The following CAMK2D variants were observed in gnomAD, a reference collection of about 807,000 sequenced individuals.
CAMK2D encodes calcium/calmodulin-dependent protein kinase type II subunit delta.
CAMK2D carries 37 observed loss-of-function variants against 84.0 expected under a neutral mutation model. The observed-to-expected ratio is 0.44, with a 90% CI of 0.34 to 0.58. The LOEUF is 0.58. CAMK2D is among the 20% of genes least tolerant of loss of function. The pLI, the probability that CAMK2D is intolerant of heterozygous loss-of-function variation, is 0.02. For synonymous variants in CAMK2D, 202 were observed against 212.5 expected, an observed-to-expected ratio of 0.95 and a Z score of 0.43; for missense variants, 448 against 652.5, an observed-to-expected ratio of 0.69 and a Z score of 3.41.
intron 3 of CAMK2D, among the ~76,000 whole-genome samples, chr4:113,637,723 G>A (rs566573808): frequency 6.6e-6 from 1 of 151,994 alleles, no homozygotes; most frequent in Non-Finnish European, 1.5e-5. Context: ...TATCTACCTA[G>A]GAAGATATAA....
At chr4:113,475,994 G>A (rs919131974) in intron 16 of CAMK2D, among the ~76,000 whole-genome samples, 1 of 152,178 alleles carries the variant, frequency 6.6e-6, no homozygotes, top group African/African-American at 2.4e-5. Flanking sequence ...TAAAGCATCT[G>A]TAGTCAACAG....
chr4:113,553,696 C>G (rs1481113295), intron 4 of CAMK2D, among the ~76,000 whole-genome samples: 1 of 152,114 alleles, frequency 6.6e-6, no homozygotes, highest in Non-Finnish European at 1.5e-5. Flanking sequence ...AAAATGTTTA[C>G]CTAAGATTAT....
At chr4:113,524,922 A>C (rs889076840) in intron 8 of CAMK2D, among the ~76,000 whole-genome samples, 8 of 152,354 alleles carry the variant, frequency 5.3e-5, no homozygotes, top group African/African-American at 1.9e-4. Context: ...GATGTGGGTA[A>C]GAATGGATGA....
At chr4:113,620,456 T>C (rs1349538754) in intron 3 of CAMK2D, among the ~76,000 whole-genome samples, 1 of 152,088 alleles carries the variant, frequency 6.6e-6, no homozygotes, top group African/African-American at 2.4e-5. Context: ...AACCAAACAG[T>C]TATTCAAATT....
At chr4:113,545,595 T>G (rs2098560348) in intron 6 of CAMK2D, among the ~76,000 whole-genome samples, 1 of 152,102 alleles carries the variant, frequency 6.6e-6, no homozygotes, top group African/African-American at 2.4e-5. Context: ...AGGCAGGGAT[T>G]TGGCACGTTC....
At chr4:113,678,725 C>T (rs1390913940) in intron 2 of CAMK2D, among the ~76,000 whole-genome samples, 2 of 152,132 alleles carry the variant, frequency 1.3e-5, no homozygotes, top group East Asian at 1.9e-4. Flanking sequence ...ATCTAACTAG[C>T]TGTGGTTCTG....
chr4:113,563,928 T>C (rs777118364), intron 4 of CAMK2D, among the ~76,000 whole-genome samples: 1 of 152,122 alleles, frequency 6.6e-6, no homozygotes, highest in Non-Finnish European at 1.5e-5. Context: ...GGGAACTTAG[T>C]GAAAAATATT....
At chr4:113,635,803 T>G (rs947032261) in intron 3 of CAMK2D, among the ~76,000 whole-genome samples, 12 of 152,226 alleles carry the variant, frequency 7.9e-5, no homozygotes, top group Non-Finnish European at 1.6e-4. Flanking sequence ...ATTTGTAGTT[T>G]ATCTGTAAAG....
intron 4 of CAMK2D, among the ~76,000 whole-genome samples, chr4:113,567,050 C>G (rs2098728242): frequency 6.6e-6 from 1 of 152,014 alleles, no homozygotes; most frequent in Admixed American, 6.6e-5. Context: ...TAAAAAAAAT[C>G]AGATGCACTA....
chr4:113,755,393 C>T (rs1381785148), intron 2 of CAMK2D, among the ~76,000 whole-genome samples: 1 of 151,812 alleles, frequency 6.6e-6, no homozygotes, highest in Non-Finnish European at 1.5e-5. Context: ...AATGAAATCC[C>T]TTTTAACTTT....
At chr4:113,463,777 G>T (rs1026173247) in intron 17 of CAMK2D, among the ~76,000 whole-genome samples, 2 of 152,064 alleles carry the variant, frequency 1.3e-5, no homozygotes, top group Non-Finnish European at 2.9e-5. Flanking sequence ...TTTCCAGGTC[G>T]CTAGAAACTC....
At chr4:113,465,427 C>A in intron 17 of CAMK2D, 102 bp downstream of exon 17, 1 of 728,924 alleles carries the variant, frequency 1.4e-6, no homozygotes, top group Non-Finnish European at 2.4e-6. Flanking sequence ...CATATCAAAC[C>A]TTGAATTAAA....
intron 3 of CAMK2D, among the ~76,000 whole-genome samples, chr4:113,657,766 T>C (rs2099208550): frequency 6.6e-6 from 1 of 152,166 alleles, no homozygotes; most frequent in Non-Finnish European, 1.5e-5. Context: ...AGATTATTGA[T>C]TCTGTGCCAA....
chr4:113,630,737 G>T (rs2099086434), intron 3 of CAMK2D, among the ~76,000 whole-genome samples: 1 of 152,092 alleles, frequency 6.6e-6, no homozygotes, highest in African/African-American at 2.4e-5. Context: ...TGCAAAATCT[G>T]CCTTCTGACA....
chr4:113,505,423 C>T (rs997401872), intron 13 of CAMK2D, among the ~76,000 whole-genome samples: 1 of 152,124 alleles, frequency 6.6e-6, no homozygotes, highest in Non-Finnish European at 1.5e-5. Flanking sequence ...TCTTTCTTCC[C>T]TCATTTTATT....
chr4:113,552,243 G>A (rs2098634414), intron 4 of CAMK2D, 147 bp from the exon 5 acceptor site: 1 of 517,246 alleles, frequency 1.9e-6, no homozygotes, highest in Non-Finnish European at 3.5e-6. Flanking sequence ...GTGTTCGTAA[G>A]TCAAATCTAT....
intron 3 of CAMK2D, among the ~76,000 whole-genome samples, chr4:113,627,558 T>C (rs750439167): frequency 2.1e-4 from 32 of 152,284 alleles, no homozygotes; most frequent in Middle Eastern, 3.4e-3. Context: ...GTAAAAGGCA[T>C]TACAACTCAT....
At chr4:113,672,468 C>G (rs1460961235) in intron 2 of CAMK2D, among the ~76,000 whole-genome samples, 1 of 152,034 alleles carries the variant, frequency 6.6e-6, no homozygotes, top group Non-Finnish European at 1.5e-5. Flanking sequence ...TTTTATTAAG[C>G]AAACACAAGG....
intron 12 of CAMK2D, among the ~76,000 whole-genome samples, chr4:113,512,975 A>G (rs1488315960): frequency 6.6e-6 from 1 of 152,226 alleles, no homozygotes; most frequent in African/African-American, 2.4e-5. Context: ...TCAGTAATAA[A>G]TTCTAGGTTT....
Sources: allele counts gnomAD v4.1 joint callset (sites outside exome capture counted in the v4.1 genomes callset), GRCh38; gene constraint gnomAD v4.1.1; transcripts MANE v1.5; gene names NCBI Gene and HGNC (gene_info 2026-07-23, HGNC 2026-07-21).